Variants in MAN2B2 observed in about 807,000 individuals in gnomAD.
The protein encoded by MAN2B2 is epididymis-specific alpha-mannosidase.
Under a neutral mutation model 117.1 loss-of-function variants are expected in MAN2B2, and 106 were observed. The observed-to-expected ratio is 0.90, with a 90% CI of 0.77 to 1.06. MAN2B2 has a LOEUF of 1.06. MAN2B2 is among the 50% of genes least tolerant of loss of function. MAN2B2 has a pLI of 0.00. For synonymous variants in MAN2B2, 544 were observed against 595.1 expected (o/e 0.91, Z 1.25); for missense variants, 1,326 against 1,381.4 (o/e 0.96, Z 0.64).
intron 11 of MAN2B2, 96 bp downstream of exon 11, chr4:6,605,425 G>C (rs1219239773): frequency 7.1e-7 from 1 of 1,417,442 alleles, no homozygotes; most frequent in Middle Eastern, 2.5e-4. Context: ...TCACTTGCCT[G>C]GGGGAAGGAC....
chr4:6,587,202 G>C, intron 4 of MAN2B2, 34 bp downstream of exon 4: 4 of 1,599,680 alleles, frequency 2.5e-6, no homozygotes, highest in Non-Finnish European at 3.4e-6. Context: ...GCCGCCCAGC[G>C]ACCGCTCCTC....
At chr4:6,617,033 G>A (rs924446766) in intron 16 of MAN2B2, among the ~76,000 whole-genome samples, 1 of 152,212 alleles carries the variant, frequency 6.6e-6, no homozygotes, top group African/African-American at 2.4e-5. Flanking sequence ...GAAGGCAAAT[G>A]AGGAGCAAAG....
Position 6,621,738 on chromosome 4 carries a change from CTGCAAGGGG to C in MAN2B2, c.*454_*462del, listed in dbSNP as rs1335737109. On this transcript the variant is annotated 3_prime_UTR_variant, in exon 19 of 19. Coordinates refer to ENST00000285599, the MANE Select transcript of MAN2B2 (RefSeq NM_015274.3). ...GACTCATCCCATGCTGGCAACAGCC[CTGCAAGGGG>C]CTTGGCTCTGCCACAGGGCAGGAGA... is the stretch of plus-strand genomic sequence containing the variant. 1 of 153,936 alleles carries C rather than the reference CTGCAAGGGG, an allele frequency of 6.5e-6. No individual in the cohort carries two copies. The highest frequency in any genetic ancestry group is 2.4e-5 in the African/African-American group (1 of 41,518). The allele number at this position is 153,936 out of a possible 1,614,324, so 9.5% of individuals were successfully genotyped here.
At position 6,595,371 on chromosome 4, in the gene MAN2B2, G is replaced by T. The variant is rs143704721; in HGVS notation, c.1057+639G>T. Among the ~76,000 whole-genome samples the T allele has an allele frequency of 1.1e-3, 164 of 152,348 alleles. 1 individual carries two copies. The East Asian group carries it at 0.021, about 20-fold the overall frequency. On this transcript the variant is annotated intron_variant, in intron 7 of 18. Coordinates refer to ENST00000285599, the MANE Select transcript of MAN2B2 (RefSeq NM_015274.3). ...CTCTCAGCCTCCTGCCCAGCACAGAGGCAGGGCTCAGCAGATGTCCTAGAC... is the reference window on the plus strand; with the variant it reads ...CTCTCAGCCTCCTGCCCAGCACAGATGCAGGGCTCAGCAGATGTCCTAGAC...
intron 3 of MAN2B2, among the ~76,000 whole-genome samples, chr4:6,582,391 T>G (rs771567526): frequency 5.5e-4 from 83 of 152,088 alleles, no homozygotes; most frequent in Non-Finnish European, 1.1e-3. Flanking sequence ...CAGGCTGGAG[T>G]GCAGTGGCGC....
rs540674040 is a variant in MAN2B2 at position 6,614,989 on chromosome 4, C to T, written c.2701+634C>T. 2.0e-5 allele frequency among the ~76,000 whole-genome samples: 3 copies of T among 152,306 alleles called. No individual in the cohort carries two copies. In the East Asian group the frequency reaches 5.8e-4, roughly 29 times the overall value. ...ACTGACTTGTCCTGTTGCCAGAGCCCCAGCTGCACCTCCTCTGCCCCCTCT... is the reference window on the plus strand; with the variant it reads ...ACTGACTTGTCCTGTTGCCAGAGCCTCAGCTGCACCTCCTCTGCCCCCTCT... On this transcript the variant is annotated intron_variant, in intron 16 of 18. Coordinates refer to ENST00000285599, the MANE Select transcript of MAN2B2 (RefSeq NM_015274.3).
At position 6,593,350 on chromosome 4, in the gene MAN2B2, G is replaced by C; in HGVS notation, c.858G>C (p.Trp286Cys). ...GGACACCGCACGTCCTCTGGCCCTG[G>C]GTAAGGCAGAGTCCCAGGTGCTGTG... Reference protein sequence around the residue: ...WFRTPHVLWPWGCDKQFFNAS... With the variant: ...WFRTPHVLWPCGCDKQFFNAS... The change falls in exon 6 of 19, where the codon TGG becomes TGC. Residue 286 changes from tryptophan to cysteine, a missense_variant and splice_region_variant. Physicochemically the swap from Trp to Cys is radical, Grantham distance 215. Coordinates refer to ENST00000285599, the MANE Select transcript of MAN2B2 (RefSeq NM_015274.3). 6.2e-7 allele frequency: 1 copy of C among 1,610,850 alleles called. No homozygotes were observed. Among genetic ancestry groups the C allele is most frequent in the Non-Finnish European group, 8.5e-7 (1 of 1,178,592 alleles).
At chr4:6,614,408 C>A in intron 16 of MAN2B2, 53 bp downstream of exon 16, 1 of 1,594,780 alleles carries the variant, frequency 6.3e-7, no homozygotes, top group Non-Finnish European at 8.6e-7. Context: ...CTGAGTCAAA[C>A]AGGCCACCGG....
chr4:6,599,616 TCG>T (rs1727246146), intron 9 of MAN2B2, among the ~76,000 whole-genome samples: 1 of 141,666 alleles, frequency 7.1e-6, no homozygotes, highest in Non-Finnish European at 1.5e-5. Context: ...TGAGCCGAGA[TCG>T]CACCACTGCA....
At position 6,614,210 on chromosome 4, in the gene MAN2B2, C is replaced by T; in HGVS notation, c.2564-8C>T. Reference sequence around the variant, plus strand: ...ACCCTCTCCTCACTCTGTCCATCTGCCTTGCAGGGACTGCGCCGAAGCTCC... The same window carrying T: ...ACCCTCTCCTCACTCTGTCCATCTGTCTTGCAGGGACTGCGCCGAAGCTCC... On this transcript the variant is annotated splice_polypyrimidine_tract_variant and splice_region_variant and intron_variant, in intron 15 of 18. Transcript: ENST00000285599. 6.2e-7 allele frequency: 1 copy of T among 1,613,708 alleles called. No individual in the cohort carries two copies. The highest frequency in any genetic ancestry group is 8.5e-7 in the Non-Finnish European group (1 of 1,179,752).
At chr4:6,607,694 C>G (rs1443922413) in intron 11 of MAN2B2, among the ~76,000 whole-genome samples, 1 of 152,192 alleles carries the variant, frequency 6.6e-6, no homozygotes, top group African/African-American at 2.4e-5. Context: ...TCTGAACATT[C>G]ATGTACAAGT....
chr4:6,593,736 C>T (rs1040357522), intron 6 of MAN2B2, among the ~76,000 whole-genome samples: 14 of 152,342 alleles, frequency 9.2e-5, no homozygotes, highest in Middle Eastern at 3.4e-3. Flanking sequence ...AGCCAGTGCC[C>T]GGCACGTCGT....
chr4:6,587,350 C>A (rs1043414618), intron 4 of MAN2B2, among the ~76,000 whole-genome samples, 182 bp downstream of exon 4: 1 of 152,224 alleles, frequency 6.6e-6, no homozygotes, highest in Non-Finnish European at 1.5e-5. Context: ...GGAGGGCCCC[C>A]CTCCCTGTAC....
intron 7 of MAN2B2, among the ~76,000 whole-genome samples, chr4:6,596,842 A>AC (rs1292964489): frequency 6.6e-6 from 1 of 151,700 alleles, no homozygotes; most frequent in Admixed American, 6.6e-5. Flanking sequence ...ATCCTTCAGC[A>AC]CCCCACCCCA....
At chr4:6,595,215 G>A (rs1198346753) in intron 7 of MAN2B2, among the ~76,000 whole-genome samples, 1 of 152,242 alleles carries the variant, frequency 6.6e-6, no homozygotes, top group Non-Finnish European at 1.5e-5. Flanking sequence ...AGAGCTAAGA[G>A]GGCTGGCTGT....
chr4:6,602,324 G>A (rs1048766460), intron 10 of MAN2B2, among the ~76,000 whole-genome samples: 1 of 152,242 alleles, frequency 6.6e-6, no homozygotes, highest in African/African-American at 2.4e-5. Context: ...GAGGCAGGAA[G>A]TCCAAGATCA....
chr4:6,595,006 G>A (rs970877663), intron 7 of MAN2B2, among the ~76,000 whole-genome samples: 1 of 152,228 alleles, frequency 6.6e-6, no homozygotes, highest in African/African-American at 2.4e-5. Flanking sequence ...CTTTGCACAG[G>A]TGGTGCCTCC....
chr4:6,582,923 G>T (rs1726492031), intron 3 of MAN2B2, among the ~76,000 whole-genome samples: 1 of 152,050 alleles, frequency 6.6e-6, no homozygotes, highest in South Asian at 2.1e-4. Flanking sequence ...TACTGGTTCA[G>T]CAGCTTGAAC....
At chr4:6,587,772 T>TTTTTTTTTG (rs1726696829) in intron 4 of MAN2B2, among the ~76,000 whole-genome samples, 1 of 138,490 alleles carries the variant, frequency 7.2e-6, no homozygotes, top group Non-Finnish European at 1.6e-5. Context: ...TTTTTTTTTT[T>TTTTTTTTTG]GAGACAGGGT....
Sources: allele counts gnomAD v4.1 joint callset (sites outside exome capture counted in the v4.1 genomes callset), GRCh38; gene constraint gnomAD v4.1.1; transcripts MANE v1.5; gene names NCBI Gene and HGNC (gene_info 2026-07-23, HGNC 2026-07-21).